Variants in ACER1 observed in about 807,000 individuals in gnomAD.
The protein encoded by ACER1 is alkaline ceramidase 1, also known as CTB-180A7.3.
Under a neutral mutation model 24.9 loss-of-function variants are expected in ACER1, and 28 were observed. The observed-to-expected ratio is 1.13, with a 90% CI of 0.83 to 1.54. The LOEUF is 1.54. Ranked by LOEUF, ACER1 falls within the 40% of genes most tolerant of loss-of-function variation. ACER1 has a pLI of 0.00. For synonymous variants in ACER1, 132 were observed against 131.4 expected, an observed-to-expected ratio of 1.00 and a Z score of -0.03; for missense variants, 352 against 349.3, an observed-to-expected ratio of 1.01 and a Z score of -0.06.
the ACER1 span, among the ~76,000 whole-genome samples, chr19:6,347,170 C>G: frequency 1.4e-5 from 2 of 145,158 alleles, no homozygotes; most frequent in African/African-American, 5.1e-5. Context: ...CCCCCTCGTC[C>G]CTCAGAATGT....
intron 1 of ACER1, among the ~76,000 whole-genome samples, chr19:6,313,970 G>A (rs2091592514): frequency 6.6e-6 from 1 of 152,114 alleles, no homozygotes; most frequent in African/African-American, 2.4e-5. Context: ...ATGAGTGAAT[G>A]AAACTTCAGG....
At chr19:6,326,829 T>A (rs28633905) in intron 1 of ACER1, among the ~76,000 whole-genome samples, 21,093 of 151,510 alleles carry the variant, frequency 0.14, 2,758 homozygotes, top group African/African-American at 0.35. Context: ...ACAGGATACG[T>A]TTCCAACATT....
the ACER1 span, among the ~76,000 whole-genome samples, chr19:6,350,530 C>T: frequency 6.7e-6 from 1 of 149,258 alleles, no homozygotes; most frequent in Non-Finnish European, 1.5e-5. Context: ...GAGATCGTGC[C>T]GCTGCACTCC....
chr19:6,321,348 C>T (rs2091629825), intron 1 of ACER1, among the ~76,000 whole-genome samples: 1 of 152,148 alleles, frequency 6.6e-6, no homozygotes, highest in Non-Finnish European at 1.5e-5. Context: ...GCCATCTTGG[C>T]AAGACTAGTC....
chr19:6,318,250 A>G (rs1048011431), intron 1 of ACER1, among the ~76,000 whole-genome samples: 5 of 147,886 alleles, frequency 3.4e-5, no homozygotes, highest in Admixed American at 6.7e-5. Flanking sequence ...TGGGCCGATC[A>G]CCTGAAGTCG....
chr19:6,310,079 T>G (rs897104570), intron 3 of ACER1, among the ~76,000 whole-genome samples: 2 of 150,216 alleles, frequency 1.3e-5, no homozygotes, highest in Admixed American at 6.7e-5. Flanking sequence ...CTGGTCAACA[T>G]GGTGAAACCC....
chr19:6,321,614 T>C (rs2091631601), intron 1 of ACER1, among the ~76,000 whole-genome samples: 1 of 151,868 alleles, frequency 6.6e-6, no homozygotes, highest in Non-Finnish European at 1.5e-5. Flanking sequence ...GTTTGTTTTG[T>C]TTTGTTTTGT....
chr19:6,336,751 T>C (rs10411662), upstream of ACER1, among the ~76,000 whole-genome samples: 7,258 of 122,088 alleles, frequency 0.059, 270 homozygotes, highest in African/African-American at 0.13. Context: ...ACCTGGGAGG[T>C]GGAGGTAGTA....
At chr19:6,318,481 A>G (rs10402781) in intron 1 of ACER1, among the ~76,000 whole-genome samples, 9,777 of 150,048 alleles carry the variant, frequency 0.065, 357 homozygotes, top group East Asian at 0.12. Context: ...CAAAATAAAT[A>G]AAAAATAAAA....
chr19:6,341,597 TTTTTGTTTTC>T, the ACER1 span, among the ~76,000 whole-genome samples: 1 of 150,804 alleles, frequency 6.6e-6, no homozygotes, highest in African/African-American at 2.5e-5. Flanking sequence ...ATTGGGCTTT[TTTTTGTTTTC>T]TTTTGTTTTG....
the ACER1 span, among the ~76,000 whole-genome samples, chr19:6,357,339 G>C: frequency 6.6e-6 from 1 of 151,980 alleles, no homozygotes. Context: ...GAGCCACTCT[G>C]CCTGGCTTGA....
upstream of ACER1, among the ~76,000 whole-genome samples, chr19:6,336,081 A>G (rs1200569770): frequency 6.6e-6 from 1 of 151,788 alleles, no homozygotes. Flanking sequence ...TTGTATTTTT[A>G]GTAGAGACGG....
At chr19:6,337,750 A>G (rs2091720888), upstream of ACER1, among the ~76,000 whole-genome samples, 1 of 127,154 alleles carries the variant, frequency 7.9e-6, no homozygotes, top group Admixed American at 1.0e-4. Context: ...ATCTTGGCTC[A>G]CTGCAAGCTC....
intron 1 of ACER1, among the ~76,000 whole-genome samples, chr19:6,326,421 C>T (rs551590391): frequency 5.3e-5 from 8 of 151,970 alleles, no homozygotes; most frequent in African/African-American, 9.6e-5. Flanking sequence ...CCACTGCGCC[C>T]GGCCTATTTT....
At chr19:6,355,809 C>A in the ACER1 span, among the ~76,000 whole-genome samples, 2 of 145,112 alleles carry the variant, frequency 1.4e-5, no homozygotes, top group Non-Finnish European at 3.0e-5. Flanking sequence ...GGGGGTTCAG[C>A]CCCCCGCCCG....
intron 1 of ACER1, among the ~76,000 whole-genome samples, chr19:6,314,621 T>C (rs145186844): frequency 6.6e-6 from 1 of 152,222 alleles, no homozygotes; most frequent in East Asian, 1.9e-4. Context: ...AATACTTATA[T>C]AATATGGGTG....
the ACER1 span, among the ~76,000 whole-genome samples, chr19:6,347,098 C>CAAAAAAAAAAAAA: frequency 2.4e-5 from 2 of 81,976 alleles, no homozygotes; most frequent in Non-Finnish European, 4.4e-5. Context: ...CCTGTCTCTA[C>CAAAAAAAAAAAAA]AAAAAAAAAA....
chr19:6,353,671 C>T, the ACER1 span, among the ~76,000 whole-genome samples: 20 of 149,960 alleles, frequency 1.3e-4, no homozygotes, highest in Non-Finnish European at 2.7e-4. Flanking sequence ...ACTAAAAATA[C>T]AAAATTAGCC....
intron 3 of ACER1, among the ~76,000 whole-genome samples, 156 bp from the exon 4 acceptor site, chr19:6,309,990 G>A (rs577681417): frequency 9.2e-5 from 14 of 152,064 alleles, no homozygotes; most frequent in East Asian, 3.9e-4. Flanking sequence ...GGCAGGGCAC[G>A]GTGGCTCATG....
Sources: gnomAD v4.1 joint callset for allele counts (sites outside exome capture counted in the v4.1 genomes callset) on GRCh38, gnomAD v4.1.1 for gene constraint, MANE v1.5 for transcripts, NCBI Gene and HGNC (gene_info 2026-07-23, HGNC 2026-07-21) for gene names.